Variants in SPAST observed in about 807,000 individuals in gnomAD.
SPAST encodes spastin, also known as spastic paraplegia 4 (autosomal dominant; spastin).
A neutral mutation model predicts 76.6 loss-of-function variants in SPAST; 30 were observed. That is an observed-to-expected ratio of 0.39 (90% confidence interval 0.29 to 0.53). The LOEUF is 0.53. Ranked by LOEUF, SPAST falls within the 20% of genes least tolerant of loss-of-function variation. The pLI is 0.68. For synonymous variants in SPAST, 305 were observed against 281.0 expected, an observed-to-expected ratio of 1.09 and a Z score of -0.86; for missense variants, 717 against 770.5, an observed-to-expected ratio of 0.93 and a Z score of 0.82.
rs1677626636 is a variant in SPAST, at chr2:32,089,508, T to A, written c.503-14T>A. The A allele has an allele frequency of 6.8e-7, 1 of 1,464,738 alleles. No homozygotes were observed. The highest frequency in any genetic ancestry group is 1.4e-5 in the African/African-American group (1 of 71,986). The allele number at this position is 1,464,738 out of a possible 1,614,324, so 90.7% of individuals were successfully genotyped here. Reference sequence around the variant, plus strand: ...TGGGAAATGTAGATATTTTAATTAATTTTTTTCTTTCAGGTGAACAGTGTG... The same window carrying A: ...TGGGAAATGTAGATATTTTAATTAAATTTTTTCTTTCAGGTGAACAGTGTG... On this transcript the variant is annotated splice_polypyrimidine_tract_variant and intron_variant, in intron 2 of 16. Coordinates refer to ENST00000315285, the MANE Select transcript of SPAST (RefSeq NM_014946.4).
At chr2:32,092,189 A>G (rs1677750297) in intron 3 of SPAST, among the ~76,000 whole-genome samples, 2 of 152,216 alleles carry the variant, frequency 1.3e-5, no homozygotes, top group Non-Finnish European at 2.9e-5. Flanking sequence ...TACTGCTTTC[A>G]GATGAGTAAC....
intron 7 of SPAST, among the ~76,000 whole-genome samples, chr2:32,125,342 A>C (rs1015874279): frequency 6.6e-6 from 1 of 151,776 alleles, no homozygotes; most frequent in Non-Finnish European, 1.5e-5. Context: ...TCATGCCTCA[A>C]CCTCCCGAGT....
At chr2:32,102,036 A>G (rs1278684599) in intron 4 of SPAST, among the ~76,000 whole-genome samples, 13 of 152,064 alleles carry the variant, frequency 8.5e-5, no homozygotes, top group African/African-American at 2.4e-4. Context: ...CTTGATGGGG[A>G]TGGCATTGAA....
intron 4 of SPAST, among the ~76,000 whole-genome samples, chr2:32,105,159 T>C (rs968051336): frequency 6.6e-6 from 1 of 152,200 alleles, no homozygotes; most frequent in African/African-American, 2.4e-5. Context: ...TTCCTTTTAC[T>C]CTTTTTTCTC....
intron 7 of SPAST, among the ~76,000 whole-genome samples, chr2:32,124,533 C>T (rs1195337617): frequency 6.6e-6 from 1 of 152,138 alleles, no homozygotes; most frequent in African/African-American, 2.4e-5. Context: ...AGCAGTCTTA[C>T]TCCTTAGTAT....
At position 32,156,452 on chromosome 2, in the gene SPAST, T is replaced by C. The variant is rs1375493333; in HGVS notation, c.*1956T>C. ...TAATAAAAATGAGAGTTGAGATAAATAGGGGAAAAAAAATTTTTTTCAAGC... is the reference window on the plus strand; with the variant it reads ...TAATAAAAATGAGAGTTGAGATAAACAGGGGAAAAAAAATTTTTTTCAAGC... On this transcript the variant is annotated 3_prime_UTR_variant, in exon 17 of 17. Coordinates refer to ENST00000315285, the MANE Select transcript of SPAST (RefSeq NM_014946.4). The C allele has an allele frequency of 6.6e-6, 1 of 152,062 alleles. No homozygotes were observed. Among genetic ancestry groups the C allele is most frequent in the Non-Finnish European group, 1.5e-5 (1 of 68,008 alleles). The allele number at this position is 152,062 out of a possible 1,614,324, so 9.4% of individuals were successfully genotyped here. A position where few individuals can be genotyped will look rare whatever the true frequency, so the allele number is the denominator to read the frequency against.
chr2:32,148,445 G>T (rs34976640), intron 16 of SPAST, among the ~76,000 whole-genome samples: 54,784 of 150,602 alleles, frequency 0.36, 10,165 homozygotes, highest in East Asian at 0.63. Context: ...GCCGAGGTGG[G>T]CAGATCACTT....
At chr2:32,109,483 C>G (rs908437776) in intron 4 of SPAST, among the ~76,000 whole-genome samples, 1 of 151,956 alleles carries the variant, frequency 6.6e-6, no homozygotes, top group African/African-American at 2.4e-5. Context: ...ACGTAGCAAC[C>G]TTCACCCCTA....
chr2:32,082,677 CAA>C (rs1677285830), intron 1 of SPAST, among the ~76,000 whole-genome samples: 2 of 151,416 alleles, frequency 1.3e-5, no homozygotes, highest in Admixed American at 6.6e-5. Flanking sequence ...GCCTGGGCAA[CAA>C]GAGCGAAATT....
At chr2:32,110,540 GTATATATATACTATATAGTGTGTATATA>G (rs1678521524) in intron 4 of SPAST, among the ~76,000 whole-genome samples, 1 of 131,342 alleles carries the variant, frequency 7.6e-6, no homozygotes, top group Non-Finnish European at 1.6e-5. Context: ...TGTATATATA[GTATATATATACTATATAGTGTGTATATA>G]TAGTATATAT....
intron 3 of SPAST, among the ~76,000 whole-genome samples, chr2:32,094,344 G>A (rs558732210): frequency 1.3e-5 from 2 of 152,112 alleles, no homozygotes; most frequent in Admixed American, 1.3e-4. Flanking sequence ...TCATCCTCCT[G>A]AGTAGCTGGG....
In SPAST at chr2:32,066,668, GA is replaced by G. The variant is rs1031867334; in HGVS notation, c.415+2432del. 2.9e-4 allele frequency among the ~76,000 whole-genome samples: 42 copies of G among 147,198 alleles called. No homozygotes were observed. In the East Asian group the frequency reaches 4.4e-3, roughly 15 times the overall value. On this transcript the variant is annotated intron_variant, in intron 1 of 16. Coordinates refer to ENST00000315285, the MANE Select transcript of SPAST (RefSeq NM_014946.4). Reference sequence around the variant, plus strand: ...GGGCGGCAGAGCAAGACTCCGTCTTGAAAAAAAAAAGTAGGTCATTTTTGGC... The same window carrying G: ...GGGCGGCAGAGCAAGACTCCGTCTTGAAAAAAAAAGTAGGTCATTTTTGGC...
rs372276664 is a variant in SPAST at position 32,134,346 on chromosome 2, CA to C, written c.1246-2211del. ...TGAAACCCTGTCTCTACTAAAAATA[CA>C]AAAAATTAGCGGGGTGTGGTGGCAG... is the stretch of plus-strand genomic sequence containing the variant. On this transcript the variant is annotated intron_variant, in intron 9 of 16. Transcript: ENST00000315285. Among the ~76,000 whole-genome samples, 17 of 151,976 alleles carry C rather than the reference CA, an allele frequency of 1.1e-4. No homozygotes were observed. The East Asian group carries it at 2.9e-3, about 26-fold the overall frequency.
At chr2:32,078,946 C>T (rs1558616881) in intron 1 of SPAST, among the ~76,000 whole-genome samples, 2 of 152,060 alleles carry the variant, frequency 1.3e-5, no homozygotes, top group Non-Finnish European at 2.9e-5. Context: ...CAATCTCCTG[C>T]TCCCATTCAG....
chr2:32,116,998 C>T (rs1573123018), intron 7 of SPAST, among the ~76,000 whole-genome samples: 2 of 151,714 alleles, frequency 1.3e-5, no homozygotes, highest in East Asian at 2.0e-4. Flanking sequence ...CGGTAGTTCA[C>T]GCCTGTAATC....
chr2:32,117,086 C>T (rs1014661782), intron 7 of SPAST, among the ~76,000 whole-genome samples: 1 of 151,892 alleles, frequency 6.6e-6, no homozygotes, highest in East Asian at 1.9e-4. Context: ...TGGTGAAACC[C>T]TGTCTTTACT....
chr2:32,072,552 T>C (rs1373650601), intron 1 of SPAST, among the ~76,000 whole-genome samples: 1 of 152,176 alleles, frequency 6.6e-6, no homozygotes, highest in Non-Finnish European at 1.5e-5. Context: ...ACTAGTTTTT[T>C]AGGTTAACTT....
chr2:32,120,727 A>G (rs947945379), intron 7 of SPAST, among the ~76,000 whole-genome samples: 1 of 150,876 alleles, frequency 6.6e-6, no homozygotes, highest in South Asian at 2.1e-4. Flanking sequence ...TCCTTTCTTT[A>G]TTATGTATCT....
At chr2:32,115,297 G>A (rs991824107) in intron 5 of SPAST, among the ~76,000 whole-genome samples, 1 of 151,782 alleles carries the variant, frequency 6.6e-6, no homozygotes, top group Admixed American at 6.6e-5. Context: ...ACTTTTTTTG[G>A]ACCTCATTAG....
Sources: allele counts gnomAD v4.1 joint callset (sites outside exome capture counted in the v4.1 genomes callset), GRCh38; gene constraint gnomAD v4.1.1; transcripts MANE v1.5; gene names NCBI Gene and HGNC (gene_info 2026-07-23, HGNC 2026-07-21).